The following SRPX variants were observed in gnomAD, a reference collection of about 807,000 sequenced individuals.
The protein encoded by SRPX is sushi repeat-containing protein SRPX.
In SRPX, 24 loss-of-function variants were observed where a neutral mutation model predicts 38.1. That is an observed-to-expected ratio of 0.63 (90% CI 0.46 to 0.89). The LOEUF (loss-of-function observed/expected upper bound fraction) is 0.89, where lower values mean the gene tolerates loss of function less well. Among genes scored for constraint, SRPX ranks in the 40% least tolerant of loss-of-function variants. The pLI is 0.00. For synonymous variants in SRPX, 184 were observed against 153.8 expected, an observed-to-expected ratio of 1.20 and a Z score of -1.45; for missense variants, 416 against 377.8, an observed-to-expected ratio of 1.10 and a Z score of -0.84.
intron 6 of SRPX, 22 bp from the exon 7 acceptor site, chrX:38,160,218 G>A (rs2147767635): frequency 1.7e-6 from 2 of 1,203,851 alleles, no homozygotes; most frequent in Non-Finnish European, 2.2e-6. Context: ...CAAGTCCAGA[G>A]GGGTCTCAGT....
At chrX:38,167,392 A>G (rs1938382628) in intron 4 of SRPX, among the ~76,000 whole-genome samples, 1 of 110,921 alleles carries the variant, frequency 9.0e-6, no homozygotes, top group South Asian at 4.0e-4. Context: ...ATCCTGACAC[A>G]TCCTCAAGCA....
intron 4 of SRPX, among the ~76,000 whole-genome samples, chrX:38,166,160 T>C (rs959388771): frequency 4.4e-5 from 5 of 112,620 alleles, no homozygotes; most frequent in Non-Finnish European, 7.5e-5. Context: ...AAGTTAAATG[T>C]CCTTTTGATT....
chrX:38,159,824 G>T (rs973409921), intron 7 of SRPX, among the ~76,000 whole-genome samples, 193 bp downstream of exon 7: 16 of 112,430 alleles, frequency 1.4e-4, no homozygotes, highest in Non-Finnish European at 1.9e-5. Flanking sequence ...GAAATTAGAG[G>T]ATAGGCAGGG....
At chrX:38,195,382 G>GTTTTTTT (rs10710053) in intron 1 of SRPX, among the ~76,000 whole-genome samples, 7 of 87,943 alleles carry the variant, frequency 8.0e-5, no homozygotes, top group Non-Finnish European at 1.1e-4. Context: ...GGTGTTTGTG[G>GTTTTTTT]TTTTTTTTTT....
intron 1 of SRPX, among the ~76,000 whole-genome samples, chrX:38,188,224 A>T (rs987428238): frequency 1.9e-4 from 21 of 112,304 alleles, no homozygotes; most frequent in African/African-American, 6.5e-4. Context: ...TTTGCTAATC[A>T]TGGGGAATGA....
intron 9 of SRPX, among the ~76,000 whole-genome samples, chrX:38,150,854 C>T (rs748552765): frequency 1.9e-4 from 21 of 112,199 alleles, no homozygotes; most frequent in Non-Finnish European, 3.9e-4. Flanking sequence ...TATATCAACA[C>T]AAACATATTT....
chrX:38,160,410 C>T (rs768164200), intron 6 of SRPX, among the ~76,000 whole-genome samples: 52 of 112,026 alleles, frequency 4.6e-4, no homozygotes, highest in African/African-American at 4.5e-4. Flanking sequence ...CAACTGGTTT[C>T]GCCCCTAGTG....
chrX:38,173,697 G>A (rs190185854), intron 3 of SRPX, among the ~76,000 whole-genome samples: 1 of 111,565 alleles, frequency 9.0e-6, no homozygotes, highest in Admixed American at 9.4e-5. Context: ...CAACCCACCC[G>A]CCTCGGCCTC....
Position 38,160,921 on chromosome X carries a change from C to A in SRPX, c.775+12G>T, listed in dbSNP as rs765670389. On this transcript the variant is annotated intron_variant, in intron 6 of 9. Transcript: ENST00000378533. ...GAGAGGGGGAAACAAAACCAATAAGCAGTACTCTTACCTCTTACTTTAACT... is the reference window on the plus strand; with the variant it reads ...GAGAGGGGGAAACAAAACCAATAAGAAGTACTCTTACCTCTTACTTTAACT... 5 of 1,207,840 alleles carry A rather than the reference C, an allele frequency of 4.1e-6. No individual in the cohort carries two copies. The Admixed American group carries it at 8.7e-5, about 21-fold the overall frequency.
At chrX:38,160,752 A>T (rs1938233199) in intron 6 of SRPX, among the ~76,000 whole-genome samples, 181 bp downstream of exon 6, 1 of 111,249 alleles carries the variant, frequency 9.0e-6, no homozygotes, top group Non-Finnish European at 1.9e-5. Flanking sequence ...GCCCATCCGG[A>T]TGTGTATCGT....
chrX:38,179,302 G>A (rs747077985), intron 1 of SRPX, among the ~76,000 whole-genome samples: 39 of 112,191 alleles, frequency 3.5e-4, no homozygotes, highest in South Asian at 1.1e-3. Flanking sequence ...CAGAGAGAAC[G>A]TCTGTGTATT....
chrX:38,155,124 T>TA lies in SRPX; in HGVS notation c.1090-542dup, dbSNP rs1182656379. On this transcript the variant is annotated intron_variant, in intron 8 of 9. Coordinates refer to ENST00000378533, the MANE Select transcript of SRPX (RefSeq NM_006307.5). Reference sequence around the variant, plus strand: ...GGCTCATCAGGAATGGCAATGGCAATAAAAAAAAAAAAAGTAATGTAAGAC... The same window carrying TA: ...GGCTCATCAGGAATGGCAATGGCAATAAAAAAAAAAAAAAGTAATGTAAGAC... Among the ~76,000 whole-genome samples the TA allele has an allele frequency of 3.3e-3, 286 of 86,833 alleles. 2 individuals carry two copies. The highest frequency in any genetic ancestry group is 0.032 in the East Asian group (89 of 2,820). The allele number at this position is 86,833 out of a possible 115,157, so 75.4% of individuals were successfully genotyped here. A position where few individuals can be genotyped will look rare whatever the true frequency, so the allele number is the denominator to read the frequency against.
At chrX:38,220,420 G>T (rs1245183144) in intron 1 of SRPX, among the ~76,000 whole-genome samples, 1 of 113,577 alleles carries the variant, frequency 8.8e-6, no homozygotes, top group Non-Finnish European at 1.9e-5. Flanking sequence ...AAAAGGGTTT[G>T]ATTGGAACTC....
At chrX:38,150,446 T>C (rs1937991688) in intron 9 of SRPX, among the ~76,000 whole-genome samples, 1 of 112,123 alleles carries the variant, frequency 8.9e-6, no homozygotes, top group South Asian at 3.8e-4. Context: ...TGTCTGGAGA[T>C]ATTTTTGGTT....
intron 1 of SRPX, among the ~76,000 whole-genome samples, chrX:38,204,395 A>G (rs906976859): frequency 8.9e-6 from 1 of 112,701 alleles, no homozygotes; most frequent in African/African-American, 3.2e-5. Flanking sequence ...CCAATGGATC[A>G]GAATAAAGAA....
intron 4 of SRPX, among the ~76,000 whole-genome samples, chrX:38,171,112 A>G (rs1938458170): frequency 9.0e-6 from 1 of 111,610 alleles, no homozygotes; most frequent in Non-Finnish European, 1.9e-5. Context: ...GCCCTAAAGC[A>G]TCGTTTAGCA....
intron 1 of SRPX, among the ~76,000 whole-genome samples, chrX:38,213,168 T>A (rs1939363178): frequency 8.9e-6 from 1 of 111,747 alleles, no homozygotes; most frequent in Admixed American, 9.5e-5. Flanking sequence ...TGTAGGCAAA[T>A]CTATAGAGGC....
chrX:38,161,425 G>A (rs750257854), intron 5 of SRPX, among the ~76,000 whole-genome samples: 4 of 101,198 alleles, frequency 4.0e-5, no homozygotes, highest in Non-Finnish European at 8.0e-5. Context: ...GAAGACGAGG[G>A]AATTTTCTGT....
intron 1 of SRPX, among the ~76,000 whole-genome samples, chrX:38,215,008 G>A (rs1157729984): frequency 1.8e-5 from 2 of 111,910 alleles, no homozygotes; most frequent in Admixed American, 1.9e-4. Flanking sequence ...AGTGATAGCA[G>A]GGGAAATGAG....
Sources: allele counts gnomAD v4.1 joint callset (sites outside exome capture counted in the v4.1 genomes callset), GRCh38; gene constraint gnomAD v4.1.1; transcripts MANE v1.5; gene names NCBI Gene and HGNC (gene_info 2026-07-23, HGNC 2026-07-21).